RBMS3: variants seen among roughly 807,000 people sequenced by gnomAD.
The protein encoded by RBMS3 is RNA binding motif single stranded interacting protein 3, also known as RNA-binding motif, single-stranded-interacting protein 3.
A neutral mutation model predicts 66.8 loss-of-function variants in RBMS3; 27 were observed. The observed-to-expected ratio is 0.40, with a 90% CI of 0.30 to 0.56. The LOEUF (loss-of-function observed/expected upper bound fraction) is 0.56. Among genes scored for constraint, RBMS3 ranks in the 20% least tolerant of loss-of-function variants. The pLI is 0.40. For synonymous variants in RBMS3, 188 were observed against 183.0 expected (o/e 1.03, Z -0.22); for missense variants, 513 against 549.5 (o/e 0.93, Z 0.66).
intron 12 of RBMS3, among the ~76,000 whole-genome samples, chr3:29,980,396 G>A (rs2149781024): frequency 6.6e-6 from 1 of 152,320 alleles, no homozygotes; most frequent in East Asian, 1.9e-4. Context: ...TGTTCACTCT[G>A]ATGATAGTTT....
chr3:29,858,900 C>T (rs181741589), intron 6 of RBMS3, among the ~76,000 whole-genome samples: 1 of 152,204 alleles, frequency 6.6e-6, no homozygotes, highest in Non-Finnish European at 1.5e-5. Context: ...AGGTGATTTC[C>T]TCTATGTTGT....
chr3:29,757,844 C>T (rs902351494), intron 5 of RBMS3, among the ~76,000 whole-genome samples: 41 of 152,108 alleles, frequency 2.7e-4, no homozygotes, highest in African/African-American at 9.9e-4. Context: ...AACTAAACTC[C>T]AGACTCTATT....
At chr3:29,612,214 T>A (rs1289225020) in intron 4 of RBMS3, among the ~76,000 whole-genome samples, 3 of 152,102 alleles carry the variant, frequency 2.0e-5, no homozygotes, top group Non-Finnish European at 2.9e-5. Context: ...TAAGCATATA[T>A]ATGTAAATAG....
intron 1 of RBMS3, among the ~76,000 whole-genome samples, chr3:29,305,564 T>C (rs957270720): frequency 1.3e-5 from 2 of 151,916 alleles, no homozygotes; most frequent in African/African-American, 4.8e-5. Context: ...ACAACAAAAA[T>C]GGATCTACCC....
intron 6 of RBMS3, among the ~76,000 whole-genome samples, chr3:29,807,453 C>T (rs2057591686): frequency 6.6e-6 from 1 of 151,718 alleles, no homozygotes; most frequent in Non-Finnish European, 1.5e-5. Flanking sequence ...ACCTATTGAC[C>T]CAACAATCTT....
rs139427675 is a variant in RBMS3 at position 29,520,071 on chromosome 3, C to A, written c.307+31572C>A. ...ACTGGCCATCCTGTATTTTTATTTG[C>A]TAAATCTGGCAACCTAGTCCCAATA... On this transcript the variant is annotated intron_variant, in intron 3 of 14. Transcript: ENST00000383767. Among the ~76,000 whole-genome samples, 790 of 152,106 alleles carry A rather than the reference C, an allele frequency of 5.2e-3. 4 individuals are homozygous for A. The highest frequency in any genetic ancestry group is 0.018 in the African/African-American group (740 of 41,512).
chr3:29,329,873 A>G (rs562829376), intron 1 of RBMS3, among the ~76,000 whole-genome samples: 3 of 147,906 alleles, frequency 2.0e-5, no homozygotes, highest in South Asian at 4.2e-4. Context: ...TATATAATAC[A>G]TATTAATATA....
At chr3:29,418,589 A>G (rs754424232) in intron 1 of RBMS3, among the ~76,000 whole-genome samples, 227 of 152,272 alleles carry the variant, frequency 1.5e-3, no homozygotes, top group Non-Finnish European at 1.5e-3. Flanking sequence ...ACTCTTCTGC[A>G]TGACTAAACT....
chr3:30,004,397 T>C lies in RBMS3; in HGVS notation c.*535T>C, dbSNP rs1484794817. 1.3e-5 allele frequency: 2 copies of C among 152,204 alleles called. No individual in the cohort carries two copies. Among genetic ancestry groups the C allele is most frequent in the Non-Finnish European group, 2.9e-5 (2 of 67,816 alleles). 9.4% of individuals were successfully genotyped at this position (152,204 alleles called of 1,614,324 possible). A position where few individuals can be genotyped will look rare whatever the true frequency, so the allele number is the denominator to read the frequency against. On this transcript the variant is annotated 3_prime_UTR_variant, in exon 15 of 15. Coordinates refer to ENST00000383767, the MANE Select transcript of RBMS3 (RefSeq NM_001003793.3). ...TATCTTGAATCTTAATTGCCTTAAT[T>C]TTAAGGACGTCAAAGGCTCTCGAGG...
At chr3:29,442,321 C>T (rs1485978348) in intron 2 of RBMS3, among the ~76,000 whole-genome samples, 1 of 152,098 alleles carries the variant, frequency 6.6e-6, no homozygotes, top group Non-Finnish European at 1.5e-5. Context: ...CCCACTGATT[C>T]ATTGATCACT....
intron 5 of RBMS3, among the ~76,000 whole-genome samples, chr3:29,753,522 G>A (rs181534902): frequency 2.6e-5 from 4 of 152,230 alleles, no homozygotes; most frequent in Non-Finnish European, 4.4e-5. Flanking sequence ...GAGTAGCCCC[G>A]TACATTTATA....
intron 1 of RBMS3, among the ~76,000 whole-genome samples, chr3:29,351,598 T>G (rs58514408): frequency 0.017 from 2,588 of 151,944 alleles, 73 homozygotes; most frequent in African/African-American, 0.06. Context: ...CTTTTTTGAG[T>G]TTTTTTTAGA....
Position 29,479,947 on chromosome 3 carries a change from C to G in RBMS3, c.249-8494C>G, listed in dbSNP as rs142210527. Among the ~76,000 whole-genome samples, 8 of 152,300 alleles carry G rather than the reference C, an allele frequency of 5.3e-5. No individual in the cohort carries two copies. The East Asian group carries it at 1.5e-3, about 29-fold the overall frequency. The stretch of plus-strand genomic sequence containing the variant: ...TTCTCCAGGTCCTCATGGTCTCTAT[C>G]CAGTATCCATTTCAATACCTGACTA... On this transcript the variant is annotated intron_variant, in intron 2 of 14. Transcript: ENST00000383767.
intron 1 of RBMS3, among the ~76,000 whole-genome samples, chr3:29,292,700 A>G (rs1471949837): frequency 6.6e-6 from 1 of 151,824 alleles, no homozygotes; most frequent in African/African-American, 2.4e-5. Context: ...CAGTTCTACA[A>G]CCTCAACCGG....
At chr3:29,538,336 T>C (rs1159915143) in intron 3 of RBMS3, among the ~76,000 whole-genome samples, 1 of 152,096 alleles carries the variant, frequency 6.6e-6, no homozygotes, top group Non-Finnish European at 1.5e-5. Flanking sequence ...TACTTTACAA[T>C]GAATATGAAA....
At chr3:29,808,798 C>T (rs111934355) in intron 6 of RBMS3, among the ~76,000 whole-genome samples, 1 of 151,764 alleles carries the variant, frequency 6.6e-6, no homozygotes, top group African/African-American at 2.4e-5. Context: ...ATAGGAAAAG[C>T]CTTAGAAATG....
At chr3:29,810,642 TATGGTGTAACACATTC>T (rs1030918353) in intron 6 of RBMS3, among the ~76,000 whole-genome samples, 2 of 152,192 alleles carry the variant, frequency 1.3e-5, no homozygotes, top group African/African-American at 4.8e-5. Context: ...TTGATGAGGT[TATGGTGTAACACATTC>T]ATGGTGTAAC....
intron 3 of RBMS3, among the ~76,000 whole-genome samples, chr3:29,528,754 A>G (rs771821383): frequency 7.9e-5 from 12 of 152,066 alleles, no homozygotes; most frequent in Non-Finnish European, 1.5e-4. Context: ...TTATTTTGAG[A>G]TGGAGTTTTA....
intron 9 of RBMS3, among the ~76,000 whole-genome samples, chr3:29,899,423 C>T (rs576399787): frequency 2.0e-5 from 3 of 151,784 alleles, no homozygotes; most frequent in South Asian, 4.1e-4. Context: ...AAAACTTTAG[C>T]GTTCAACATC....
Sources: allele counts gnomAD v4.1 joint callset (sites outside exome capture counted in the v4.1 genomes callset), GRCh38; gene constraint gnomAD v4.1.1; transcripts MANE v1.5; gene names NCBI Gene and HGNC (gene_info 2026-07-23, HGNC 2026-07-21).